Variants in INPP5D observed in about 807,000 individuals in gnomAD.
INPP5D encodes inositol polyphosphate-5-phosphatase D.
A neutral mutation model predicts 122.9 loss-of-function variants in INPP5D; 33 were observed. That is an observed-to-expected ratio of 0.27 (90% CI 0.20 to 0.36). The LOEUF (loss-of-function observed/expected upper bound fraction) is 0.36. Among genes scored for constraint, INPP5D ranks in the 10% least tolerant of loss-of-function variants. The pLI is 1.00. For missense variants in INPP5D, 1,053 were observed against 1,412.7 expected (o/e 0.75, Z 4.08); for synonymous variants, 584 against 576.2 (o/e 1.01, Z -0.19).
chr2:233,198,006 A>G (rs543399937), intron 24 of INPP5D, 89 bp from the exon 25 acceptor site: 6 of 1,437,382 alleles, frequency 4.2e-6, no homozygotes, highest in Non-Finnish European at 5.5e-6. Context: ...AGAGAGCCCT[A>G]GGGTTATCAG....
intron 2 of INPP5D, among the ~76,000 whole-genome samples, chr2:233,104,886 G>A (rs1024104126): frequency 6.6e-6 from 1 of 152,158 alleles, no homozygotes; most frequent in African/African-American, 2.4e-5. Context: ...GGGAGTGGGG[G>A]ACAAAGGACA....
intron 24 of INPP5D, among the ~76,000 whole-genome samples, chr2:233,196,851 A>C (rs1695197917): frequency 6.7e-6 from 1 of 148,576 alleles, no homozygotes; most frequent in Admixed American, 6.7e-5. Flanking sequence ...CACCCCAGCC[A>C]CCCCCGCTGT....
chr2:233,185,162 G>A (rs150242719), intron 20 of INPP5D, among the ~76,000 whole-genome samples: 9 of 152,062 alleles, frequency 5.9e-5, no homozygotes, highest in Non-Finnish European at 1.3e-4. Context: ...CACAGTGATC[G>A]GGGGAGGAAA....
intron 1 of INPP5D, among the ~76,000 whole-genome samples, chr2:233,069,159 C>T (rs1239336884): frequency 1.3e-5 from 2 of 152,172 alleles, no homozygotes; most frequent in Non-Finnish European, 2.9e-5. Flanking sequence ...ATTAGGAAAA[C>T]ACGATATTAA....
At chr2:233,073,049 G>C (rs953631682) in intron 1 of INPP5D, among the ~76,000 whole-genome samples, 1 of 152,192 alleles carries the variant, frequency 6.6e-6, no homozygotes, top group Non-Finnish European at 1.5e-5. Context: ...AGGCAGGGTG[G>C]GGTCAGTGGA....
chr2:233,095,611 G>C, intron 2 of INPP5D, among the ~76,000 whole-genome samples: 1 of 109,882 alleles, frequency 9.1e-6, no homozygotes, highest in East Asian at 3.4e-4. Context: ...GATTGAAACT[G>C]TCTCAAAAAA....
At chr2:233,139,292 T>C (rs1047790208) in intron 5 of INPP5D, among the ~76,000 whole-genome samples, 1 of 151,984 alleles carries the variant, frequency 6.6e-6, no homozygotes, top group African/African-American at 2.4e-5. Flanking sequence ...AGCCCGAGGA[T>C]TGGAGTTGTC....
intron 5 of INPP5D, among the ~76,000 whole-genome samples, chr2:233,131,927 G>A (rs28376818): frequency 0.039 from 5,883 of 152,174 alleles, 137 homozygotes; most frequent in African/African-American, 0.055. Flanking sequence ...CCTTTTAAAG[G>A]CTTTTAAAAG....
At chr2:233,119,790 A>T (rs1692917278) in intron 2 of INPP5D, among the ~76,000 whole-genome samples, 1 of 152,218 alleles carries the variant, frequency 6.6e-6, no homozygotes, top group Non-Finnish European at 1.5e-5. Context: ...ACCCAGGCAC[A>T]AGGGCTCGGG....
At chr2:233,118,884 C>T (rs1692883069) in intron 2 of INPP5D, among the ~76,000 whole-genome samples, 1 of 152,260 alleles carries the variant, frequency 6.6e-6, no homozygotes, top group Admixed American at 6.5e-5. Flanking sequence ...TCCTGGGAAC[C>T]CGGGCAGCCG....
In INPP5D at chr2:233,188,244, G is replaced by A. The variant is rs1025659422; in HGVS notation, c.2359-1606G>A. 2.6e-5 allele frequency among the ~76,000 whole-genome samples: 4 copies of A among 151,798 alleles called. No individual in the cohort carries two copies. The highest frequency in any genetic ancestry group is 2.1e-4 in the South Asian group (1 of 4,822). On this transcript the variant is annotated intron_variant, in intron 21 of 26. Coordinates refer to ENST00000445964, the MANE Select transcript of INPP5D (RefSeq NM_001017915.3). This position sits in a 1 kb window ranked among gnomAD's most constrained non-coding sequence, Gnocchi z 4.7. ...CACCGTCTCCTGCTCCCTGACCCCC[G>A]CCCCACCCCTGTTGCCTGGCGGCCT...
At chr2:233,079,080 G>A (rs1203038836) in intron 1 of INPP5D, among the ~76,000 whole-genome samples, 2 of 152,036 alleles carry the variant, frequency 1.3e-5, no homozygotes, top group African/African-American at 4.8e-5. Flanking sequence ...TAGCTGCCGG[G>A]TCCCCACCTA....
At position 233,147,576 on chromosome 2, in the gene INPP5D, T is replaced by A. The variant is rs953715947; in HGVS notation, c.1012T>A (p.Phe338Ile). Residue 338 changes from phenylalanine to isoleucine, a missense_variant, in exon 9 of 27, where the codon TTC (phenylalanine) becomes ATC (isoleucine). Physicochemically the swap from Phe to Ile is conservative, Grantham distance 21 (BLOSUM62 0). Coordinates refer to ENST00000445964, the MANE Select transcript of INPP5D (RefSeq NM_001017915.3). Reference protein sequence around the residue: ...KKSKDGSEDKFYSHKKILQLI... With the variant: ...KKSKDGSEDKIYSHKKILQLI... Reference sequence around the variant, plus strand: ...GTCCAAGGATGGTTCTGAGGACAAGTTCTACAGCCACAAGAAAAGTAAGAC... The same window carrying A: ...GTCCAAGGATGGTTCTGAGGACAAGATCTACAGCCACAAGAAAAGTAAGAC... 2 of 704,060 alleles carry A rather than the reference T, an allele frequency of 2.8e-6. No individual in the cohort carries two copies. The highest frequency in any genetic ancestry group is 3.5e-5 in the African/African-American group (2 of 57,230). 43.6% of individuals were successfully genotyped at this position (704,060 alleles called of 1,614,324 possible). A position where few individuals can be genotyped will look rare whatever the true frequency, so the allele number is the denominator to read the frequency against.
chr2:233,102,271 A>G (rs1415132100), intron 2 of INPP5D, among the ~76,000 whole-genome samples: 1 of 152,156 alleles, frequency 6.6e-6, no homozygotes, highest in African/African-American at 2.4e-5. Context: ...AAAATTTAAA[A>G]TTCTAGCACC....
At chr2:233,080,503 G>C (rs1196228950) in intron 2 of INPP5D, among the ~76,000 whole-genome samples, 3 of 152,020 alleles carry the variant, frequency 2.0e-5, no homozygotes, top group Non-Finnish European at 4.4e-5. Flanking sequence ...TCAGGGACTA[G>C]AGTAAGAGGC....
intron 6 of INPP5D, chr2:233,140,198 G>C (rs1044026890): frequency 3.2e-4 from 75 of 234,320 alleles, no homozygotes; most frequent in African/African-American, 1.5e-3. Flanking sequence ...AAATAAGGGG[G>C]TAAGCAGGGC....
rs143746783 is a variant in INPP5D at position 233,079,151 on chromosome 2, A to G, written c.135-184A>G. On this transcript the variant is annotated intron_variant, in intron 1 of 26. Transcript: ENST00000445964. ...AGTGCAGAAGCAGTGGGGGAATAAG[A>G]GTGCCTCAGCCCACGATTGCTGGAC... is the stretch of plus-strand genomic sequence containing the variant. Among the ~76,000 whole-genome samples, 866 of 152,214 alleles carry G rather than the reference A, an allele frequency of 5.7e-3. 9 individuals carry two copies. The highest frequency in any genetic ancestry group is 0.02 in the African/African-American group (823 of 41,530).
intron 2 of INPP5D, among the ~76,000 whole-genome samples, chr2:233,113,191 CCT>C (rs1692679137): frequency 1.3e-5 from 2 of 152,100 alleles, no homozygotes; most frequent in South Asian, 4.1e-4. Flanking sequence ...CTGCTGCTCC[CCT>C]GACATCACCA....
At chr2:233,115,945 A>G (rs1225905699) in intron 2 of INPP5D, among the ~76,000 whole-genome samples, 1 of 152,086 alleles carries the variant, frequency 6.6e-6, no homozygotes, top group Admixed American at 6.6e-5. Context: ...TGCTGATTCT[A>G]AGCTGGGCTT....
Sources: allele counts gnomAD v4.1 joint callset (sites outside exome capture counted in the v4.1 genomes callset), GRCh38; gene constraint gnomAD v4.1.1; non-coding constraint Gnocchi (gnomAD v3.1); transcripts MANE v1.5; gene names NCBI Gene and HGNC (gene_info 2026-07-23, HGNC 2026-07-21).